Variants in MORC1 observed in about 807,000 individuals in gnomAD.
MORC1 encodes the protein MORC family CW-type zinc finger 1, also known as MORC family CW-type zinc finger protein 1.
Under a neutral mutation model 134.9 loss-of-function variants are expected in MORC1, and 59 were observed. That is an observed-to-expected ratio of 0.44 (90% CI 0.35 to 0.54). The LOEUF is 0.54. MORC1 is among the 20% of genes least tolerant of loss of function. The pLI, the probability that MORC1 is intolerant of heterozygous loss-of-function variation, is 0.00. For synonymous variants in MORC1, 395 were observed against 391.7 expected, an observed-to-expected ratio of 1.01 and a Z score of -0.10; for missense variants, 947 against 1,134.5, an observed-to-expected ratio of 0.83 and a Z score of 2.37.
chr3:108,969,654 T>G lies in MORC1; in HGVS notation c.2604+15A>C. On this transcript the variant is annotated intron_variant, in intron 26 of 27. Transcript: ENST00000232603. ...TCATTTAGAATATAAATGGTGATAC[T>G]GAAAGGAAGCTTACCTGGTTGAAAC... The G allele has an allele frequency of 6.2e-7, 1 of 1,608,312 alleles. No individual in the cohort carries two copies. The highest frequency in any genetic ancestry group is 1.7e-5 in the Admixed American group (1 of 60,004).
intron 21 of MORC1, among the ~76,000 whole-genome samples, chr3:108,999,838 C>A (rs2107518309): frequency 6.6e-6 from 1 of 152,108 alleles, no homozygotes; most frequent in East Asian, 1.9e-4. Context: ...AGATTTTTCC[C>A]TGACATTAAA....
intron 14 of MORC1, among the ~76,000 whole-genome samples, chr3:109,040,383 A>AG (rs1435532559): frequency 3.0e-5 from 3 of 99,136 alleles, no homozygotes; most frequent in African/African-American, 7.0e-5. Flanking sequence ...AGAAAGAAAG[A>AG]AAGAAAGAAA....
At chr3:108,983,932 A>G (rs1378797265) in intron 23 of MORC1, among the ~76,000 whole-genome samples, 2 of 152,208 alleles carry the variant, frequency 1.3e-5, no homozygotes, top group Non-Finnish European at 2.9e-5. Context: ...GTGGGGGCTA[A>G]AAGTAGAGGC....
At chr3:108,984,545 G>GGC (rs386397567) in intron 23 of MORC1, among the ~76,000 whole-genome samples, 171 bp downstream of exon 23, 2 of 52,506 alleles carry the variant, frequency 3.8e-5, no homozygotes, top group South Asian at 1.1e-3. Context: ...GAAAAGGTTT[G>GGC]GGGGTAAGGT....
chr3:109,098,688 C>T (rs1331206837), intron 6 of MORC1, among the ~76,000 whole-genome samples: 2 of 152,180 alleles, frequency 1.3e-5, no homozygotes, highest in East Asian at 3.8e-4. Flanking sequence ...CATTGAGGAG[C>T]ATTCTTTTTA....
At position 109,005,256 on chromosome 3, in the gene MORC1, A is replaced by C. The variant is rs762371820; in HGVS notation, c.1827T>G (p.Leu609=). The C allele has an allele frequency of 6.2e-7, 1 of 1,613,672 alleles. No homozygotes were observed. Among genetic ancestry groups the C allele is most frequent in the Admixed American group, 1.7e-5 (1 of 59,924 alleles). ...LLGDDLKHES[L]SSFELSASRR... is the part of the protein sequence containing the mutation. ...GGCTCGCTGAAAGCTCAAAGGATGA[A>C]AGAGATTCATGCTTCAAGTCATCGC... The change falls in exon 19 of 28, where the codon CTT becomes CTG. Residue 609 remains leucine (L), a synonymous_variant. Transcript: ENST00000232603.
At chr3:109,010,208 CA>C (rs1948651323) in intron 17 of MORC1, among the ~76,000 whole-genome samples, 1 of 152,100 alleles carries the variant, frequency 6.6e-6, no homozygotes, top group African/African-American at 2.4e-5. Flanking sequence ...CATAAATGAA[CA>C]GGACTAGATT....
chr3:109,012,462 A>G (rs1462217786), intron 17 of MORC1, among the ~76,000 whole-genome samples: 1 of 152,204 alleles, frequency 6.6e-6, no homozygotes, highest in Non-Finnish European at 1.5e-5. Context: ...AGTTTTTAGT[A>G]TCTATCAAAA....
intron 14 of MORC1, among the ~76,000 whole-genome samples, chr3:109,042,725 A>G (rs541896102): frequency 6.6e-6 from 1 of 152,354 alleles, no homozygotes; most frequent in East Asian, 1.9e-4. Flanking sequence ...TGTGGTACCT[A>G]TACAATGGAA....
chr3:109,072,610 A>C (rs1373396752), intron 8 of MORC1, among the ~76,000 whole-genome samples: 1 of 152,212 alleles, frequency 6.6e-6, no homozygotes, highest in African/African-American at 2.4e-5. Context: ...GAGGTTCCTT[A>C]TGTATGACGG....
chr3:109,043,590 G>GA lies in MORC1; in HGVS notation c.1331-8123dup, dbSNP rs199867376. ...CATGTTATATGTATTTCATCATAAT[G>GA]AAAAAAAAAGAAAAAAAACACAAAA... is the stretch of plus-strand genomic sequence containing the variant. On this transcript the variant is annotated intron_variant, in intron 14 of 27. Coordinates refer to ENST00000232603, the MANE Select transcript of MORC1 (RefSeq NM_014429.4). 2.0e-3 allele frequency among the ~76,000 whole-genome samples: 304 copies of GA among 149,692 alleles called. 2 individuals carry two copies. The highest frequency in any genetic ancestry group is 6.6e-3 in the African/African-American group (268 of 40,836).
chr3:109,028,595 A>G (rs1949151509), intron 16 of MORC1, among the ~76,000 whole-genome samples: 1 of 152,206 alleles, frequency 6.6e-6, no homozygotes, highest in Non-Finnish European at 1.5e-5. Flanking sequence ...GGATGAGCAC[A>G]TTCCTTGTTA....
At position 109,113,199 on chromosome 3, in the gene MORC1, T is replaced by C. The variant is rs539189117; in HGVS notation, c.119+1185A>G. ...GCAACAGTAGCAACCCTAAGCTCCTTTAGGGAAGCTAATCAAAAGTGTTTA... is the reference window on the plus strand; with the variant it reads ...GCAACAGTAGCAACCCTAAGCTCCTCTAGGGAAGCTAATCAAAAGTGTTTA... On this transcript the variant is annotated intron_variant, in intron 2 of 27. Transcript: ENST00000232603. Among the ~76,000 whole-genome samples, 11 of 152,306 alleles carry C rather than the reference T, an allele frequency of 7.2e-5. No homozygotes were observed. In the South Asian group the frequency reaches 8.3e-4, roughly 11 times the overall value.
chr3:109,000,293 A>G (rs1272841994), intron 21 of MORC1, among the ~76,000 whole-genome samples: 1 of 152,168 alleles, frequency 6.6e-6, no homozygotes, highest in Non-Finnish European at 1.5e-5. Context: ...GCCTATTTAC[A>G]TATATATTAA....
In MORC1 at chr3:108,958,856, T is replaced by C; in HGVS notation, c.*109A>G. On this transcript the variant is annotated 3_prime_UTR_variant, in exon 28 of 28. Coordinates refer to ENST00000232603, the MANE Select transcript of MORC1 (RefSeq NM_014429.4). ...GAAAAAAATTATTTCTTATTTCTTA[T>C]TGTTAAACAGAATAGACTTTACAGT... is the stretch of plus-strand genomic sequence containing the variant. The C allele has an allele frequency of 1.5e-6, 1 of 673,660 alleles. No individual in the cohort carries two copies. Among genetic ancestry groups the C allele is most frequent in the East Asian group, 3.1e-5 (1 of 31,840 alleles). 41.7% of individuals were successfully genotyped at this position (673,660 alleles called of 1,614,324 possible). A position where few individuals can be genotyped will look rare whatever the true frequency, so the allele number is the denominator to read the frequency against.
chr3:108,998,202 G>A (rs768309241), intron 21 of MORC1, among the ~76,000 whole-genome samples: 1 of 152,144 alleles, frequency 6.6e-6, no homozygotes, highest in Non-Finnish European at 1.5e-5. Context: ...GGGACAGAAC[G>A]CATAGCTTAA....
intron 17 of MORC1, among the ~76,000 whole-genome samples, chr3:109,023,552 G>A (rs1196497974): frequency 6.6e-6 from 1 of 152,166 alleles, no homozygotes; most frequent in Non-Finnish European, 1.5e-5. Flanking sequence ...AGGGTATTAA[G>A]TGGATTTTAG....
At chr3:108,987,122 T>C (rs1947914992) in intron 21 of MORC1, among the ~76,000 whole-genome samples, 173 bp from the exon 22 acceptor site, 1 of 152,166 alleles carries the variant, frequency 6.6e-6, no homozygotes, top group Admixed American at 6.5e-5. Flanking sequence ...AAAACGATAA[T>C]CGCATAAATC....
intron 17 of MORC1, among the ~76,000 whole-genome samples, chr3:109,020,483 C>T (rs1362216523): frequency 6.6e-6 from 1 of 152,044 alleles, no homozygotes. Context: ...AAAAAATAGA[C>T]CCCAGTTAAG....
Sources: allele counts gnomAD v4.1 joint callset (sites outside exome capture counted in the v4.1 genomes callset), GRCh38; gene constraint gnomAD v4.1.1; transcripts MANE v1.5; gene names NCBI Gene and HGNC (gene_info 2026-07-23, HGNC 2026-07-21).